STXBP5L: variants seen among roughly 807,000 people sequenced by gnomAD.
The protein encoded by STXBP5L is syntaxin binding protein 5L, also known as syntaxin-binding protein 5-like.
In STXBP5L, 65 loss-of-function variants were observed where a neutral mutation model predicts 144.5. The observed-to-expected ratio is 0.45, with a 90% CI of 0.37 to 0.55. The LOEUF (loss-of-function observed/expected upper bound fraction) is 0.55, where lower values mean the gene tolerates loss of function less well. Among genes scored for constraint, STXBP5L ranks in the 20% least tolerant of loss-of-function variants. The probability of loss-of-function intolerance (pLI) is 0.00; values close to 1 mark genes in which losing one functional copy is unlikely to be tolerated. For missense variants in STXBP5L, 1,298 were observed against 1,405.5 expected (o/e 0.92, Z 1.22); for synonymous variants, 505 against 469.6 (o/e 1.08, Z -0.97).
intron 20 of STXBP5L, among the ~76,000 whole-genome samples, chr3:121,338,686 A>AGAAG (rs565348805): frequency 1.3e-3 from 191 of 151,610 alleles, no homozygotes; most frequent in African/African-American, 2.8e-3. Context: ...GAGGAAGGAA[A>AGAAG]GAAGGAAGGA....
chr3:121,207,949 G>A (rs1264295947), intron 10 of STXBP5L, among the ~76,000 whole-genome samples: 1 of 152,142 alleles, frequency 6.6e-6, no homozygotes, highest in East Asian at 1.9e-4. Flanking sequence ...TCTAGTACTA[G>A]AAATACCATT....
chr3:120,931,829 A>G (rs1380014697), intron 2 of STXBP5L, among the ~76,000 whole-genome samples: 1 of 152,170 alleles, frequency 6.6e-6, no homozygotes. Flanking sequence ...TGGCTGCCAT[A>G]TTTGTATTTG....
At chr3:121,053,786 T>A (rs1948223001) in intron 5 of STXBP5L, among the ~76,000 whole-genome samples, 1 of 151,930 alleles carries the variant, frequency 6.6e-6, no homozygotes, top group Non-Finnish European at 1.5e-5. Context: ...GAAACTACCA[T>A]CAGAGTGAAC....
At chr3:121,226,207 T>C (rs1480335463) in intron 11 of STXBP5L, among the ~76,000 whole-genome samples, 1 of 152,228 alleles carries the variant, frequency 6.6e-6, no homozygotes, top group Non-Finnish European at 1.5e-5. Context: ...GTTTTACCTT[T>C]GGCTAAAAGA....
At chr3:121,226,927 CTG>C (rs1169342353) in intron 11 of STXBP5L, among the ~76,000 whole-genome samples, 9 of 152,098 alleles carry the variant, frequency 5.9e-5, no homozygotes, top group African/African-American at 1.9e-4. Context: ...TACTTACTCA[CTG>C]TAAAACTAGG....
chr3:121,051,248 A>G (rs1947964457), intron 5 of STXBP5L, among the ~76,000 whole-genome samples: 1 of 152,160 alleles, frequency 6.6e-6, no homozygotes, highest in Non-Finnish European at 1.5e-5. Context: ...ATAGACATCT[A>G]CAGAACTCTC....
In STXBP5L at chr3:120,974,442, G is replaced by T. The variant is rs1174335966; in HGVS notation, c.287+19405G>T. On this transcript the variant is annotated intron_variant, in intron 3 of 26. Coordinates refer to ENST00000471454, the MANE Select transcript of STXBP5L (RefSeq NM_001308330.2). ...AGTTCATTGTAGATTCTGGATATTA[G>T]CCCTTTGTCAGATGAGTAGGTTGCA... Among the ~76,000 whole-genome samples the T allele has an allele frequency of 2.7e-5, 4 of 148,740 alleles. No individual in the cohort carries two copies. The South Asian group carries it at 8.6e-4, about 32-fold the overall frequency.
chr3:120,951,078 G>A (rs1013972816), intron 2 of STXBP5L, among the ~76,000 whole-genome samples: 76 of 152,238 alleles, frequency 5.0e-4, no homozygotes, highest in Middle Eastern at 3.4e-3. Flanking sequence ...AATAAATGGT[G>A]CTGGAAAAAC....
At chr3:120,947,874 T>C (rs1294003230) in intron 2 of STXBP5L, among the ~76,000 whole-genome samples, 1 of 151,852 alleles carries the variant, frequency 6.6e-6, no homozygotes, top group African/African-American at 2.4e-5. Context: ...ACATTTGAGT[T>C]GTTTCTTTTT....
chr3:121,099,684 G>A (rs1199904831), intron 5 of STXBP5L: 1 of 153,128 alleles, frequency 6.5e-6, no homozygotes, highest in Non-Finnish European at 1.5e-5. Context: ...GTTTGCAAAA[G>A]TCTTCACCCT....
intron 6 of STXBP5L, among the ~76,000 whole-genome samples, chr3:121,119,298 T>C: frequency 6.6e-6 from 1 of 151,416 alleles, no homozygotes; most frequent in Non-Finnish European, 1.5e-5. Context: ...GCTATCCAGG[T>C]TGGTACAGTT....
chr3:121,020,596 G>A (rs1038311224), intron 3 of STXBP5L, among the ~76,000 whole-genome samples: 15 of 152,240 alleles, frequency 9.9e-5, no homozygotes, highest in African/African-American at 2.9e-4. Context: ...GAAGGGATTG[G>A]TTCCTATCTT....
At chr3:120,991,014 A>C (rs1305269109) in intron 3 of STXBP5L, among the ~76,000 whole-genome samples, 59 of 152,272 alleles carry the variant, frequency 3.9e-4, no homozygotes, top group African/African-American at 1.2e-3. Flanking sequence ...TCTGCACAGC[A>C]AAAGAAACTA....
chr3:121,299,118 T>C lies in STXBP5L; in HGVS notation c.2110+19162T>C, dbSNP rs2051783837. 2.0e-5 allele frequency among the ~76,000 whole-genome samples: 3 copies of C among 152,212 alleles called. No homozygotes were observed. The South Asian group carries it at 6.2e-4, about 32-fold the overall frequency. On this transcript the variant is annotated intron_variant, in intron 19 of 26. Transcript: ENST00000471454. ...GATAATATATAATCCTATATTCATCTCTGACCTCTGAATTGAGGTATTAAG... is the reference window on the plus strand; with the variant it reads ...GATAATATATAATCCTATATTCATCCCTGACCTCTGAATTGAGGTATTAAG...
At chr3:121,397,004 C>A (rs554033777) in intron 22 of STXBP5L, among the ~76,000 whole-genome samples, 1 of 152,316 alleles carries the variant, frequency 6.6e-6, no homozygotes, top group East Asian at 1.9e-4. Context: ...GCAGTCAATA[C>A]CTCAATTACA....
chr3:121,398,818 G>C (rs180932998), intron 22 of STXBP5L, among the ~76,000 whole-genome samples: 1 of 152,254 alleles, frequency 6.6e-6, no homozygotes, highest in Non-Finnish European at 1.5e-5. Context: ...CTCAAATGTA[G>C]CTATAATATT....
chr3:121,042,621 C>T (rs1483163056), intron 4 of STXBP5L, among the ~76,000 whole-genome samples: 1 of 152,134 alleles, frequency 6.6e-6, no homozygotes, highest in African/African-American at 2.4e-5. Flanking sequence ...TTGCATATAT[C>T]TATATCTGTT....
At chr3:120,987,235 A>G (rs1469397948) in intron 3 of STXBP5L, among the ~76,000 whole-genome samples, 1 of 151,946 alleles carries the variant, frequency 6.6e-6, no homozygotes, top group Non-Finnish European at 1.5e-5. Flanking sequence ...TTTTGTTCCC[A>G]CCAGCAGTGT....
intron 3 of STXBP5L, among the ~76,000 whole-genome samples, chr3:120,971,202 C>A (rs1940204318): frequency 6.6e-6 from 1 of 152,018 alleles, no homozygotes; most frequent in Non-Finnish European, 1.5e-5. Flanking sequence ...CCTTATGGTA[C>A]CAGTCAGTTG....
Sources: gnomAD v4.1 joint callset for allele counts (sites outside exome capture counted in the v4.1 genomes callset) on GRCh38, gnomAD v4.1.1 for gene constraint, MANE v1.5 for transcripts, NCBI Gene and HGNC (gene_info 2026-07-23, HGNC 2026-07-21) for gene names.